TBC1D31: variants seen among roughly 807,000 people sequenced by gnomAD.
The protein encoded by TBC1D31 is TBC1 domain family member 31, also known as WD repeat domain 67.
TBC1D31 carries 99 observed loss-of-function variants against 132.9 expected under a neutral mutation model. That is an observed-to-expected ratio of 0.74 (90% CI 0.63 to 0.88). The LOEUF (loss-of-function observed/expected upper bound fraction) is 0.88. Among genes scored for constraint, TBC1D31 ranks in the 40% least tolerant of loss-of-function variants. The probability of loss-of-function intolerance (pLI) is 0.00; values close to 1 mark genes in which losing one functional copy is unlikely to be tolerated. For synonymous variants in TBC1D31, 385 were observed against 419.4 expected, an observed-to-expected ratio of 0.92 and a Z score of 1.00; for missense variants, 1,134 against 1,256.6, an observed-to-expected ratio of 0.90 and a Z score of 1.48.
At chr8:123,134,980 A>T (rs761579228) in intron 17 of TBC1D31, among the ~76,000 whole-genome samples, 52 of 152,010 alleles carry the variant, frequency 3.4e-4, no homozygotes, top group Non-Finnish European at 5.7e-4. Flanking sequence ...GCTCACTACA[A>T]CCTTCACCTC....
chr8:123,081,056 A>G lies in TBC1D31; in HGVS notation c.225-1646A>G, dbSNP rs1004227889. 3.3e-5 allele frequency among the ~76,000 whole-genome samples: 5 copies of G among 152,256 alleles called. No individual in the cohort carries two copies. In the East Asian group the frequency reaches 9.7e-4, roughly 29 times the overall value. On this transcript the variant is annotated intron_variant, in intron 2 of 21. Coordinates refer to ENST00000287380, the MANE Select transcript of TBC1D31 (RefSeq NM_145647.4). ...TTCCTAATTGTTCAATCCATTGGTC[A>G]CTTTTCAGTTCTCATTTTACTGAAA...
chr8:123,091,640 T>A (rs951414402), intron 4 of TBC1D31, among the ~76,000 whole-genome samples: 13 of 152,212 alleles, frequency 8.5e-5, no homozygotes, highest in Admixed American at 7.2e-4. Context: ...TTGGCATTAA[T>A]CCTGAGTAGA....
chr8:123,077,338 C>A, intron 2 of TBC1D31, 81 bp downstream of exon 2: 2 of 1,334,994 alleles, frequency 1.5e-6, no homozygotes, highest in South Asian at 2.9e-5. Context: ...ATTCATTATT[C>A]ATTCAGAAAG....
At chr8:123,125,425 C>G (rs1455732237) in intron 11 of TBC1D31, among the ~76,000 whole-genome samples, 1 of 152,146 alleles carries the variant, frequency 6.6e-6, no homozygotes, top group East Asian at 1.9e-4. Context: ...TTTACTGAAA[C>G]AAGTTGTCAA....
At chr8:123,089,485 C>T (rs148492578) in intron 4 of TBC1D31, among the ~76,000 whole-genome samples, 3 of 152,278 alleles carry the variant, frequency 2.0e-5, no homozygotes, top group Non-Finnish European at 4.4e-5. Context: ...CACTTTAACA[C>T]GCAGGCTGAT....
chr8:123,102,812 AT>A (rs1372390034), intron 7 of TBC1D31: 3 of 152,140 alleles, frequency 2.0e-5, no homozygotes, highest in African/African-American at 7.2e-5. Context: ...AATACCATTT[AT>A]TTTTTTGCAT....
intron 16 of TBC1D31, among the ~76,000 whole-genome samples, chr8:123,131,737 GTTCTCTAAAAATGAAACAGT>G (rs1175140886): frequency 6.7e-6 from 1 of 150,366 alleles, no homozygotes; most frequent in Non-Finnish European, 1.5e-5. Context: ...ATGACAAATT[GTTCTCTAAAAATGAAACAGT>G]TTCAGCTGTT....
At position 123,130,298 on chromosome 8, in the gene TBC1D31, G is replaced by A. The variant is rs1276682464; in HGVS notation, c.2371G>A (p.Glu791Lys). Residue 791 changes from glutamate to lysine, a missense_variant, in exon 16 of 22, where the codon GAA (glutamate) becomes AAA (lysine). By Grantham distance (56) the Glu-to-Lys change is moderately conservative. Transcript: ENST00000287380. Reference sequence around the variant, plus strand: ...GCTTCAGCAAGATCAACAGGAAATGGAACTAAGAAGACTGGATGATGAAAT... The same window carrying A: ...GCTTCAGCAAGATCAACAGGAAATGAAACTAAGAAGACTGGATGATGAAAT... The part of the protein sequence containing the change: ...LKLQQDQQEM[E>K]LRRLDDEIGR... The A allele has an allele frequency of 1.9e-6, 3 of 1,612,574 alleles. No homozygotes were observed. The highest frequency in any genetic ancestry group is 2.5e-6 in the Non-Finnish European group (3 of 1,179,246).
At chr8:123,119,243 T>C (rs994192265) in intron 10 of TBC1D31, among the ~76,000 whole-genome samples, 1 of 152,238 alleles carries the variant, frequency 6.6e-6, no homozygotes, top group African/African-American at 2.4e-5. Context: ...TGGCACTGAC[T>C]TTCGAAATTG....
rs779274133 is a variant in TBC1D31 at position 123,150,045 on chromosome 8, G to T, written c.2984G>T (p.Arg995Met). ...CTCACTTTTATAACAGAAGAACCCA[G>T]GTTCCAAAATGAACAGGACTCAAGC... ...AENPCHKEEPRFQNEQDSSCL... is the reference protein window; with the variant it reads ...AENPCHKEEPMFQNEQDSSCL... The change falls in exon 21 of 22, where the codon AGG becomes ATG. Residue 995 changes from arginine to methionine, a missense_variant. Transcript: ENST00000287380. 26 of 1,613,588 alleles carry T rather than the reference G, an allele frequency of 1.6e-5. No individual in the cohort carries two copies. Among genetic ancestry groups the T allele is most frequent in the Non-Finnish European group, 2.2e-5 (26 of 1,179,648 alleles).
chr8:123,115,844 T>C (rs1818861469), intron 10 of TBC1D31, among the ~76,000 whole-genome samples: 1 of 152,180 alleles, frequency 6.6e-6, no homozygotes, highest in Admixed American at 6.5e-5. Context: ...ACCCAGGTAG[T>C]CCAGGATTAA....
In TBC1D31 at chr8:123,150,008, C is replaced by T. The variant is rs369850180; in HGVS notation, c.2975-28C>T. On this transcript the variant is annotated intron_variant, in intron 20 of 21. Transcript: ENST00000287380. ...AGCCTTTCTACTCACTCCCAAACAT[C>T]ATCTTAATCTCCTCACTTTTATAAC... is the stretch of plus-strand genomic sequence containing the variant. 53 of 1,558,552 alleles carry T rather than the reference C, an allele frequency of 3.4e-5. No homozygotes were observed. The African/African-American group carries it at 6.2e-4, about 18-fold the overall frequency.
chr8:123,160,669 C>T, the TBC1D31 span, among the ~76,000 whole-genome samples: 1 of 152,120 alleles, frequency 6.6e-6, no homozygotes, highest in Non-Finnish European at 1.5e-5. Flanking sequence ...TCCAAATTAG[C>T]CTAGGGACAC....
At chr8:123,136,780 T>C (rs778210529) in intron 17 of TBC1D31, among the ~76,000 whole-genome samples, 9 of 152,174 alleles carry the variant, frequency 5.9e-5, no homozygotes, top group Non-Finnish European at 1.2e-4. Context: ...TGTATCAGAA[T>C]GGGAGGCAAA....
chr8:123,087,985 ACAGCCT>A (rs78024923), intron 4 of TBC1D31, among the ~76,000 whole-genome samples: 48,307 of 151,758 alleles, frequency 0.32, 7,803 homozygotes, highest in African/African-American at 0.38. Flanking sequence ...AAGTTCAAGA[ACAGCCT>A]CAGCCTGGCC....
At chr8:123,146,814 C>T (rs546003340) in intron 20 of TBC1D31, among the ~76,000 whole-genome samples, 4 of 151,514 alleles carry the variant, frequency 2.6e-5, no homozygotes, top group African/African-American at 7.3e-5. Flanking sequence ...CTTCCTGAGT[C>T]GCTGGGACTA....
chr8:123,154,006 T>G (rs1166497712), downstream of TBC1D31, among the ~76,000 whole-genome samples: 2 of 152,258 alleles, frequency 1.3e-5, no homozygotes, highest in Admixed American at 1.3e-4. Context: ...AGGGGCCTTT[T>G]CAAATTTATT....
chr8:123,105,833 A>C (rs1196013696), intron 8 of TBC1D31, among the ~76,000 whole-genome samples: 1 of 152,240 alleles, frequency 6.6e-6, no homozygotes, highest in African/African-American at 2.4e-5. Context: ...TATAGAGCTC[A>C]GTGAACTTTC....
intron 4 of TBC1D31, among the ~76,000 whole-genome samples, chr8:123,089,521 A>G (rs563441119): frequency 6.6e-6 from 1 of 152,186 alleles, no homozygotes; most frequent in African/African-American, 2.4e-5. Flanking sequence ...GTTTGAGACC[A>G]GCCTGGGCAA....
Sources: allele counts gnomAD v4.1 joint callset (sites outside exome capture counted in the v4.1 genomes callset), GRCh38; gene constraint gnomAD v4.1.1; transcripts MANE v1.5; gene names NCBI Gene and HGNC (gene_info 2026-07-23, HGNC 2026-07-21).